The following FOXK1 variants were observed in gnomAD, a reference collection of about 807,000 sequenced individuals.
The protein encoded by FOXK1 is forkhead box protein K1.
FOXK1 carries 19 observed loss-of-function variants against 51.9 expected under a neutral mutation model. The ratio of observed to expected loss-of-function variants is 0.37; its 90% confidence interval spans 0.26 to 0.54. The LOEUF (loss-of-function observed/expected upper bound fraction) is 0.54. Ranked by LOEUF, FOXK1 falls within the 20% of genes least tolerant of loss-of-function variation. FOXK1 has a pLI of 0.87. For synonymous variants in FOXK1, 537 were observed against 482.6 expected, an observed-to-expected ratio of 1.11 and a Z score of -1.48; for missense variants, 870 against 1,032.7, an observed-to-expected ratio of 0.84 and a Z score of 2.16.
In FOXK1 at chr7:4,711,426, G is replaced by C. The variant is rs1236416268; in HGVS notation, c.560+28558G>C. Reference sequence around the variant, plus strand: ...CCAGCTCTCCCTGGAGTGATTCCTGGATGTTGAGGAGGGAGAGATCTGGAG... The same window carrying C: ...CCAGCTCTCCCTGGAGTGATTCCTGCATGTTGAGGAGGGAGAGATCTGGAG... On this transcript the variant is annotated intron_variant, in intron 1 of 8. Transcript: ENST00000328914. The surrounding 1 kb of genome is among the most constrained non-coding windows in gnomAD (Gnocchi z 6.3). 6.6e-6 allele frequency among the ~76,000 whole-genome samples: 1 copy of C among 152,178 alleles called. No individual in the cohort carries two copies. The highest frequency in any genetic ancestry group is 1.5e-5 in the Non-Finnish European group (1 of 68,036).
At chr7:4,746,960 CTA>C (rs1780710626) in intron 2 of FOXK1, among the ~76,000 whole-genome samples, 1 of 152,180 alleles carries the variant, frequency 6.6e-6, no homozygotes, top group African/African-American at 2.4e-5. Flanking sequence ...GGGGAAGTAA[CTA>C]TTGTTTCCTC....
intron 1 of FOXK1, among the ~76,000 whole-genome samples, chr7:4,706,011 TAC>T (rs1266309458): frequency 3.7e-5 from 4 of 107,400 alleles, no homozygotes; most frequent in African/African-American, 2.0e-4. Flanking sequence ...TACGTATATA[TAC>T]GTATATATAC....
rs762298656 is a variant in FOXK1, at chr7:4,737,551, C to CGTGTGTGTGTGT, written c.561-3287_561-3286insGTGTGTGTGTGT. On this transcript the variant is annotated intron_variant, in intron 1 of 8. Transcript: ENST00000328914. ...GTGCATTCATGCACGTGTGTGCGTG[C>CGTGTGTGTGTGT]CTGTGTGTGTGTGTGTGTGTGTGCA... Among the ~76,000 whole-genome samples, 31 of 76,476 alleles carry CGTGTGTGTGTGT rather than the reference C, an allele frequency of 4.1e-4. 3 individuals are homozygous for CGTGTGTGTGTGT. The highest frequency in any genetic ancestry group is 1.9e-3 in the African/African-American group (31 of 16,234). The allele number at this position is 76,476 out of a possible 152,430, so 50.2% of individuals were successfully genotyped here. A position where few individuals can be genotyped will look rare whatever the true frequency, so the allele number is the denominator to read the frequency against.
chr7:4,739,214 T>C (rs983454710), intron 1 of FOXK1, among the ~76,000 whole-genome samples: 1 of 152,200 alleles, frequency 6.6e-6, no homozygotes, highest in African/African-American at 2.4e-5. Context: ...TTAGCGTCTC[T>C]CAAGTGTTGA....
intron 1 of FOXK1, among the ~76,000 whole-genome samples, chr7:4,718,415 A>AG (rs1429816510): frequency 6.6e-6 from 1 of 152,166 alleles, no homozygotes; most frequent in African/African-American, 2.4e-5. Flanking sequence ...CGTCTTTCTG[A>AG]GTTGTGGGCC....
At chr7:4,692,983 C>T (rs1183584696) in intron 1 of FOXK1, among the ~76,000 whole-genome samples, 1 of 151,886 alleles carries the variant, frequency 6.6e-6, no homozygotes, top group South Asian at 2.1e-4. Flanking sequence ...AAGTCATCCT[C>T]TGCTATAATA....
intron 1 of FOXK1, among the ~76,000 whole-genome samples, chr7:4,739,892 C>A (rs974124848): frequency 2.0e-5 from 3 of 152,212 alleles, no homozygotes; most frequent in Non-Finnish European, 4.4e-5. Context: ...ACAGCAGTTG[C>A]CCTGGCAGAC....
intron 1 of FOXK1, among the ~76,000 whole-genome samples, chr7:4,727,836 G>A (rs757825650): frequency 1.2e-4 from 18 of 152,224 alleles, no homozygotes; most frequent in Non-Finnish European, 2.4e-4. Context: ...AACCTCTCCT[G>A]TGGCCATGCC....
chr7:4,690,939 T>A (rs1463149841), intron 1 of FOXK1, among the ~76,000 whole-genome samples: 4 of 152,240 alleles, frequency 2.6e-5, no homozygotes, highest in African/African-American at 9.6e-5. Context: ...ATGAGAGGAT[T>A]ATATAAAATG....
Position 4,759,081 on chromosome 7 carries a change from G to T in FOXK1, c.1275G>T (p.Gly425=). 6.2e-7 allele frequency: 1 copy of T among 1,608,766 alleles called. No individual in the cohort carries two copies. The change falls in exon 6 of 9, where the codon GGG becomes GGT. Residue 425 remains glycine (G), a synonymous_variant. Transcript: ENST00000328914. The stretch of plus-strand genomic sequence containing the variant: ...CTCCAGCTTCGCCCACACACCCCGG[G>T]CTGATGTCCCCTCGCTCCGGCGGCC... ...RSAPASPTHP[G]LMSPRSGGLQ... is the part of the protein sequence containing the mutation.
chr7:4,689,824 G>C (rs1334975465), intron 1 of FOXK1, among the ~76,000 whole-genome samples: 1 of 152,160 alleles, frequency 6.6e-6, no homozygotes, highest in Non-Finnish European at 1.5e-5. Flanking sequence ...CTCTTCTCCT[G>C]GGGTTTTCCC....
rs1208133293 is a variant in FOXK1, at chr7:4,758,788, G to GGTT, written c.1245-258_1245-256dup. The stretch of plus-strand genomic sequence containing the variant: ...GACCTCGGTGGAAGTGAACTCCGTA[G>GGTT]GTTGTTGCGTTCACTGCAGCACCTC... On this transcript the variant is annotated intron_variant, in intron 5 of 8. Coordinates refer to ENST00000328914, the MANE Select transcript of FOXK1 (RefSeq NM_001037165.2). This position sits in a 1 kb window ranked among gnomAD's most constrained non-coding sequence, Gnocchi z 4.4. 6.4e-6 allele frequency: 3 copies of GGTT among 471,052 alleles called. No individual in the cohort carries two copies. Among genetic ancestry groups the GGTT allele is most frequent in the Admixed American group, 3.9e-5 (1 of 25,446 alleles). The allele number at this position is 471,052 out of a possible 1,614,324, so 29.2% of individuals were successfully genotyped here.
At chr7:4,685,027 C>T (rs1178694246) in intron 1 of FOXK1, among the ~76,000 whole-genome samples, 1 of 151,776 alleles carries the variant, frequency 6.6e-6, no homozygotes, top group Non-Finnish European at 1.5e-5. Flanking sequence ...GATGCCCGCC[C>T]GCTGACTTGG....
In FOXK1 at chr7:4,704,834, C is replaced by CTTTTTTTTTTTTTTTTTTT. The variant is rs775099211; in HGVS notation, c.560+21981_560+21982insTTTTTTTTTTTTTTTTTTT. ...CTCCCAAACCAATCTATGTTTCATTCTTTTTTTTTTTTTTTGAGAAAAAGT... is the reference window on the plus strand; with the variant it reads ...CTCCCAAACCAATCTATGTTTCATTCTTTTTTTTTTTTTTTTTTTTTTTTTTTTTTTTTTGAGAAAAAGT... On this transcript the variant is annotated intron_variant, in intron 1 of 8. Coordinates refer to ENST00000328914, the MANE Select transcript of FOXK1 (RefSeq NM_001037165.2). Among the ~76,000 whole-genome samples, 8 of 131,402 alleles carry CTTTTTTTTTTTTTTTTTTT rather than the reference C, an allele frequency of 6.1e-5. 1 individual carries two copies. Among genetic ancestry groups the CTTTTTTTTTTTTTTTTTTT allele is most frequent in the African/African-American group, 2.6e-4 (8 of 31,088 alleles). 86.2% of individuals were successfully genotyped at this position (131,402 alleles called of 152,430 possible). A position where few individuals can be genotyped will look rare whatever the true frequency, so the allele number is the denominator to read the frequency against.
At chr7:4,728,730 G>GAAAAAAAAAAAAAA (rs67143977) in intron 1 of FOXK1, among the ~76,000 whole-genome samples, 1 of 103,900 alleles carries the variant, frequency 9.6e-6, no homozygotes. Context: ...GTCTCTTTTT[G>GAAAAAAAAAAAAAA]AAAAAAAAAA....
At chr7:4,713,787 G>C (rs1007798934) in intron 1 of FOXK1, among the ~76,000 whole-genome samples, 4 of 151,766 alleles carry the variant, frequency 2.6e-5, no homozygotes, top group African/African-American at 9.7e-5. Flanking sequence ...ACCGCACCCA[G>C]CCCCGTGTTT....
chr7:4,690,165 A>C (rs1341674417), intron 1 of FOXK1, among the ~76,000 whole-genome samples: 1 of 152,178 alleles, frequency 6.6e-6, no homozygotes, highest in Non-Finnish European at 1.5e-5. Context: ...AGGACTGGAG[A>C]GGAGCAGATC....
intron 2 of FOXK1, among the ~76,000 whole-genome samples, chr7:4,752,332 TG>T (rs1471054960): frequency 2.0e-5 from 3 of 151,930 alleles, no homozygotes; most frequent in Non-Finnish European, 4.4e-5. Context: ...TTTGTAGAGA[TG>T]GGGGTGTCAC....
At chr7:4,704,279 C>T (rs917348915) in intron 1 of FOXK1, among the ~76,000 whole-genome samples, 10 of 151,710 alleles carry the variant, frequency 6.6e-5, no homozygotes, top group African/African-American at 1.9e-4. Flanking sequence ...GGTAAAACCT[C>T]GTTTCTACTA....
Sources: gnomAD v4.1 joint callset for allele counts (sites outside exome capture counted in the v4.1 genomes callset) on GRCh38, gnomAD v4.1.1 for gene constraint, Gnocchi (gnomAD v3.1) non-coding constraint, MANE v1.5 for transcripts, NCBI Gene and HGNC (gene_info 2026-07-23, HGNC 2026-07-21) for gene names.